Variants in ELAPOR2 observed in about 807,000 individuals in gnomAD.
ELAPOR2 encodes the protein endosome-lysosome associated apoptosis and autophagy regulator family member 2, also known as endosome/lysosome-associated apoptosis and autophagy regulator family member 2.
A neutral mutation model predicts 120.7 loss-of-function variants in ELAPOR2; 89 were observed. The ratio of observed to expected loss-of-function variants is 0.74; its 90% CI spans 0.62 to 0.88. The LOEUF is 0.88. Among genes scored for constraint, ELAPOR2 ranks in the 40% least tolerant of loss-of-function variants. ELAPOR2 has a pLI of 0.00. For missense variants in ELAPOR2, 1,134 were observed against 1,251.6 expected, an observed-to-expected ratio of 0.91 and a Z score of 1.42; for synonymous variants, 444 against 444.9, an observed-to-expected ratio of 1.00 and a Z score of 0.03.
intron 1 of ELAPOR2, among the ~76,000 whole-genome samples, chr7:87,009,142 C>A (rs151320981): frequency 6.6e-6 from 1 of 152,228 alleles, no homozygotes; most frequent in African/African-American, 2.4e-5. Context: ...TGGTATGTAT[C>A]TTCCTTATAG....
chr7:87,003,721 T>C (rs1427222336), intron 1 of ELAPOR2, among the ~76,000 whole-genome samples: 2 of 152,148 alleles, frequency 1.3e-5, no homozygotes, highest in African/African-American at 4.8e-5. Context: ...GCTTCCAGAA[T>C]CTCAACATTC....
intron 1 of ELAPOR2, among the ~76,000 whole-genome samples, chr7:86,998,441 T>C (rs992752839): frequency 6.6e-6 from 1 of 152,186 alleles, no homozygotes; most frequent in African/African-American, 2.4e-5. Flanking sequence ...ATGATGGTTA[T>C]AGAGTAGTGG....
chr7:87,044,691 G>A (rs948740118), intron 1 of ELAPOR2, among the ~76,000 whole-genome samples: 2 of 151,884 alleles, frequency 1.3e-5, no homozygotes, highest in African/African-American at 4.9e-5. Flanking sequence ...CAGGACATAG[G>A]CACGGGCAAG....
chr7:86,927,208 C>T (rs1403289917), intron 8 of ELAPOR2, among the ~76,000 whole-genome samples: 1 of 151,984 alleles, frequency 6.6e-6, no homozygotes, highest in African/African-American at 2.4e-5. Flanking sequence ...ATCACCCTTA[C>T]TCTTCTATCC....
chr7:86,939,019 G>A, intron 6 of ELAPOR2, 59 bp from the exon 7 acceptor site: 1 of 1,586,508 alleles, frequency 6.3e-7, no homozygotes, highest in Non-Finnish European at 8.6e-7. Context: ...AAGCAAATCA[G>A]CACCTACTTC....
chr7:86,965,806 T>A, intron 1 of ELAPOR2: 1 of 985,312 alleles, frequency 1.0e-6, no homozygotes, highest in Non-Finnish European at 1.2e-6. Flanking sequence ...TTCAGTTCAA[T>A]ACCTTACTTA....
At chr7:86,982,793 C>T (rs147869718) in intron 1 of ELAPOR2, among the ~76,000 whole-genome samples, 4,777 of 152,308 alleles carry the variant, frequency 0.031, 93 homozygotes, top group Middle Eastern at 0.048. Context: ...CAAAGGATCA[C>T]AGCTCCTCGC....
intron 1 of ELAPOR2, among the ~76,000 whole-genome samples, chr7:87,052,718 G>C (rs752713349): frequency 6.6e-6 from 1 of 152,166 alleles, no homozygotes; most frequent in Non-Finnish European, 1.5e-5. Flanking sequence ...CTTCCAACTC[G>C]AGTTGTAAAC....
Position 86,939,733 on chromosome 7 carries a change from CAG to C in ELAPOR2, c.847+275_847+276del, listed in dbSNP as rs543216694. On this transcript the variant is annotated intron_variant, in intron 6 of 21. Coordinates refer to ENST00000450689, the MANE Select transcript of ELAPOR2 (RefSeq NM_001142749.3). The stretch of plus-strand genomic sequence containing the variant: ...GAGGAATAATGGGGTCTTATTAACA[CAG>C]AGACATTTTGTTTTTGTTTACAGAC... Among the ~76,000 whole-genome samples, 421 of 152,176 alleles carry C rather than the reference CAG, an allele frequency of 2.8e-3. 1 individual carries two copies. The highest frequency in any genetic ancestry group is 4.5e-3 in the Non-Finnish European group (308 of 67,982).
At position 87,046,846 on chromosome 7, in the gene ELAPOR2, C is replaced by G. The variant is rs111454940; in HGVS notation, c.189+12479G>C. ...CCTTTATAAATTACCCAGTCTTGGG[C>G]AGTCCTTTATATCAATGTGAAAAGA... is the stretch of plus-strand genomic sequence containing the variant. On this transcript the variant is annotated intron_variant, in intron 1 of 21. Transcript: ENST00000450689. Among the ~76,000 whole-genome samples the G allele has an allele frequency of 8.0e-3, 1,221 of 152,238 alleles. 17 individuals carry two copies. Among genetic ancestry groups the G allele is most frequent in the African/African-American group, 0.028 (1,172 of 41,518 alleles).
chr7:86,963,638 A>G (rs1791798647), intron 2 of ELAPOR2, among the ~76,000 whole-genome samples: 1 of 152,234 alleles, frequency 6.6e-6, no homozygotes, highest in African/African-American at 2.4e-5. Context: ...AAGTAAACAT[A>G]GATAAATGAT....
chr7:86,976,828 C>T (rs546974966), intron 1 of ELAPOR2, among the ~76,000 whole-genome samples: 3 of 152,152 alleles, frequency 2.0e-5, no homozygotes, highest in African/African-American at 7.2e-5. Context: ...AGAGAAAAGA[C>T]AATCAACATA....
intron 15 of ELAPOR2, among the ~76,000 whole-genome samples, chr7:86,911,321 T>C (rs890809610): frequency 1.3e-5 from 2 of 152,164 alleles, no homozygotes; most frequent in East Asian, 1.9e-4. Flanking sequence ...ATCTTTTTGT[T>C]TGAAAACTTC....
chr7:86,964,575 A>G (rs1378613907), intron 2 of ELAPOR2, among the ~76,000 whole-genome samples: 2 of 152,330 alleles, frequency 1.3e-5, no homozygotes, highest in East Asian at 3.9e-4. Context: ...ATTTTAAGTT[A>G]TGTGTATTTC....
chr7:86,976,046 T>C (rs1792273329), intron 1 of ELAPOR2, among the ~76,000 whole-genome samples: 1 of 152,054 alleles, frequency 6.6e-6, no homozygotes, highest in Non-Finnish European at 1.5e-5. Flanking sequence ...ATCCATGTGC[T>C]TTTTTTCTTC....
chr7:86,960,353 C>T (rs772529971), intron 2 of ELAPOR2, among the ~76,000 whole-genome samples: 7 of 152,218 alleles, frequency 4.6e-5, no homozygotes, highest in East Asian at 1.9e-4. Flanking sequence ...CAGGTTCAAG[C>T]GATTCTCCTG....
At chr7:86,956,510 G>T (rs1238830338) in intron 2 of ELAPOR2, among the ~76,000 whole-genome samples, 2 of 152,114 alleles carry the variant, frequency 1.3e-5, no homozygotes, top group Admixed American at 1.3e-4. Context: ...GCATTTCTTA[G>T]GACTTATCAG....
At chr7:87,040,483 G>C (rs995692352) in intron 1 of ELAPOR2, among the ~76,000 whole-genome samples, 1 of 152,214 alleles carries the variant, frequency 6.6e-6, no homozygotes, top group East Asian at 1.9e-4. Flanking sequence ...CTAACTGGGA[G>C]GCACCCCCCA....
intron 1 of ELAPOR2, among the ~76,000 whole-genome samples, chr7:86,999,675 C>T (rs1298044077): frequency 6.6e-6 from 1 of 152,136 alleles, no homozygotes. Context: ...TAAGCAATAA[C>T]TAGCTTTGTC....
Sources: gnomAD v4.1 joint callset for allele counts (sites outside exome capture counted in the v4.1 genomes callset) on GRCh38, gnomAD v4.1.1 for gene constraint, MANE v1.5 for transcripts, NCBI Gene and HGNC (gene_info 2026-07-23, HGNC 2026-07-21) for gene names.